The following SPTB variants were observed in gnomAD, a reference collection of about 807,000 sequenced individuals.
The protein encoded by SPTB is spectrin beta, erythrocytic.
SPTB carries 45 observed loss-of-function variants against 256.2 expected under a neutral mutation model. The observed-to-expected ratio is 0.18, with a 90% CI of 0.14 to 0.23. The LOEUF is 0.23. Ranked by LOEUF, SPTB falls within the 10% of genes least tolerant of loss-of-function variation. The pLI is 1.00. For missense variants in SPTB, 2,715 were observed against 3,040.4 expected (o/e 0.89, Z 2.52); for synonymous variants, 1,231 against 1,243.1 (o/e 0.99, Z 0.21).
intron 2 of SPTB, among the ~76,000 whole-genome samples, chr14:64,820,230 C>A (rs1209133227): frequency 6.6e-6 from 1 of 152,140 alleles, no homozygotes; most frequent in Non-Finnish European, 1.5e-5. Context: ...TTGAAAGACA[C>A]CCCTGCCTAG....
Position 64,779,655 on chromosome 14 carries a change from G to T in SPTB, c.4473+70C>A, listed in dbSNP as rs1420612906. On this transcript the variant is annotated intron_variant, in intron 21 of 35. Transcript: ENST00000644917. The surrounding 1 kb of genome is among the most constrained non-coding windows in gnomAD (Gnocchi z 4.2). ...CTACTGCCAAAAATTGCTCTGGGTG[G>T]CAGCCAGCTACTCTGATGGCAGCTG... The T allele has an allele frequency of 2.5e-6, 4 of 1,585,192 alleles. No individual in the cohort carries two copies. The African/African-American group carries it at 5.4e-5, about 21-fold the overall frequency.
At chr14:64,878,655 C>G (rs779279324) in intron 1 of SPTB, among the ~76,000 whole-genome samples, 9 of 152,124 alleles carry the variant, frequency 5.9e-5, no homozygotes, top group Non-Finnish European at 1.2e-4. Flanking sequence ...CCCTTAGAAA[C>G]TAAAATACGG....
Position 64,796,418 on chromosome 14 carries a change from T to A in SPTB, c.1341+139A>T. The A allele has an allele frequency of 1.8e-6, 2 of 1,108,344 alleles. No individual in the cohort carries two copies. Among genetic ancestry groups the A allele is most frequent in the Admixed American group, 3.7e-5 (2 of 54,536 alleles). 68.7% of individuals were successfully genotyped at this position (1,108,344 alleles called of 1,614,324 possible). A position where few individuals can be genotyped will look rare whatever the true frequency, so the allele number is the denominator to read the frequency against. On this transcript the variant is annotated intron_variant, in intron 11 of 35. Coordinates refer to ENST00000644917, the MANE Select transcript of SPTB (RefSeq NM_001355436.2). This position sits in a 1 kb window ranked among gnomAD's most constrained non-coding sequence, Gnocchi z 4.1. ...GCTCCTCCCCAGATGCAAATCTTGA[T>A]CCACTGGATCACGGGGGAGCTGTGC...
Position 64,777,537 on chromosome 14 carries a change from G to C in SPTB, c.4563+1620C>G, listed in dbSNP as rs1248892192. On this transcript the variant is annotated intron_variant, in intron 22 of 35. Coordinates refer to ENST00000644917, the MANE Select transcript of SPTB (RefSeq NM_001355436.2). This position sits in a 1 kb window ranked among gnomAD's most constrained non-coding sequence, Gnocchi z 4.5. ...GAATTTGTTCTAATTGCAATGAATA[G>C]CCCTGGGAACAGTGGTCCCCAAAGT... Among the ~76,000 whole-genome samples the C allele has an allele frequency of 6.6e-6, 1 of 152,084 alleles. No individual in the cohort carries two copies. Among genetic ancestry groups the C allele is most frequent in the Non-Finnish European group, 1.5e-5 (1 of 68,012 alleles).
At chr14:64,750,640 G>T (rs928179638) in intron 33 of SPTB, among the ~76,000 whole-genome samples, 2 of 151,938 alleles carry the variant, frequency 1.3e-5, no homozygotes, top group African/African-American at 2.4e-5. Context: ...GCCGGGCTTG[G>T]TGGCGCATGC....
In SPTB at chr14:64,779,237, C is replaced by T. The variant is rs772053165; in HGVS notation, c.4483G>A (p.Glu1495Lys). ...RDLEDETLWV[E>K]ERLPLAQSAD... Reference sequence around the variant, plus strand: ...GACTGGGCCAGAGGCAGCCTCTCCTCCACCCAAAGCTGCAGAGACCAGGAG... The same window carrying T: ...GACTGGGCCAGAGGCAGCCTCTCCTTCACCCAAAGCTGCAGAGACCAGGAG... Residue 1495 changes from glutamate (E) to lysine (K), a missense_variant, in exon 22 of 36, where the codon GAG becomes AAG. Physicochemically the swap from Glu to Lys is moderately conservative, Grantham distance 56 (BLOSUM62 1). This residue lies in a region of SPTB where 2,239 missense variants were observed against 2,384.4 expected (regional missense o/e 0.94). Coordinates refer to ENST00000644917, the MANE Select transcript of SPTB (RefSeq NM_001355436.2). The surrounding 1 kb of genome is among the most constrained non-coding windows in gnomAD (Gnocchi z 4.2). 6.2e-7 allele frequency: 1 copy of T among 1,613,410 alleles called. No homozygotes were observed. Among genetic ancestry groups the T allele is most frequent in the Admixed American group, 1.7e-5 (1 of 60,010 alleles).
intron 1 of SPTB, among the ~76,000 whole-genome samples, chr14:64,865,477 T>C (rs1594856437): frequency 1.3e-5 from 2 of 152,206 alleles, no homozygotes; most frequent in Middle Eastern, 6.8e-3. Flanking sequence ...CTCCCCCACC[T>C]GGACTGAAAG....
At position 64,778,334 on chromosome 14, in the gene SPTB, A is replaced by G. The variant is rs2082397603; in HGVS notation, c.4563+823T>C. ...CCTTCCTTCCTCAAGGAGCTGCAATACTAACCGGGCACTCTGGGACATGTC... is the reference window on the plus strand; with the variant it reads ...CCTTCCTTCCTCAAGGAGCTGCAATGCTAACCGGGCACTCTGGGACATGTC... On this transcript the variant is annotated intron_variant, in intron 22 of 35. Coordinates refer to ENST00000644917, the MANE Select transcript of SPTB (RefSeq NM_001355436.2). This position sits in a 1 kb window ranked among gnomAD's most constrained non-coding sequence, Gnocchi z 5.2. Among the ~76,000 whole-genome samples the G allele has an allele frequency of 6.6e-6, 1 of 152,130 alleles. No homozygotes were observed. The highest frequency in any genetic ancestry group is 2.1e-4 in the South Asian group (1 of 4,822).
chr14:64,801,840 T>A lies in SPTB; in HGVS notation c.567-6A>T, dbSNP rs2082891725. On this transcript the variant is annotated splice_region_variant and splice_polypyrimidine_tract_variant and intron_variant, in intron 5 of 35. Transcript: ENST00000644917. Reference sequence around the variant, plus strand: ...TGACATTAACATGAGGGTAGCTGCATCCAAGAGAAACAGTAAGAGCTAAGA... The same window carrying A: ...TGACATTAACATGAGGGTAGCTGCAACCAAGAGAAACAGTAAGAGCTAAGA... 1 of 1,613,804 alleles carries A rather than the reference T, an allele frequency of 6.2e-7. No individual in the cohort carries two copies. Among genetic ancestry groups the A allele is most frequent in the Non-Finnish European group, 8.5e-7 (1 of 1,179,728 alleles).
rs553075719 is a variant in SPTB, at chr14:64,806,054, G to C, written c.149-964C>G. 6.6e-6 allele frequency among the ~76,000 whole-genome samples: 1 copy of C among 151,806 alleles called. No individual in the cohort carries two copies. The highest frequency in any genetic ancestry group is 2.4e-5 in the African/African-American group (1 of 41,224). ...TCTGTACAAATAATGCTGGTGGTCT[G>C]TCCAAGTTAGGCACCAGCATTACCT... On this transcript the variant is annotated intron_variant, in intron 2 of 35. Coordinates refer to ENST00000644917, the MANE Select transcript of SPTB (RefSeq NM_001355436.2). This position sits in a 1 kb window ranked among gnomAD's most constrained non-coding sequence, Gnocchi z 4.1.
At position 64,753,395 on chromosome 14, in the gene SPTB, AG is replaced by A. The variant is rs924294689; in HGVS notation, c.6602+141del. 21 of 1,256,378 alleles carry A rather than the reference AG, an allele frequency of 1.7e-5. No individual in the cohort carries two copies. The African/African-American group carries it at 2.8e-4, about 17-fold the overall frequency. 77.8% of individuals were successfully genotyped at this position (1,256,378 alleles called of 1,614,324 possible). The stretch of plus-strand genomic sequence containing the variant: ...CAAGTAGCCCTCGGGGCTGGCCCAG[AG>A]GGGTGTCTAGGAGCTCTCACAGGCC... On this transcript the variant is annotated intron_variant, in intron 33 of 35. Transcript: ENST00000644917.
chr14:64,867,445 A>G (rs1036269976), intron 1 of SPTB, among the ~76,000 whole-genome samples: 2 of 152,230 alleles, frequency 1.3e-5, no homozygotes, highest in Admixed American at 6.5e-5. Flanking sequence ...CAGCGTGGAC[A>G]GCAAAAGAGG....
At chr14:64,829,059 G>A (rs147722678) in intron 1 of SPTB, among the ~76,000 whole-genome samples, 49 of 152,258 alleles carry the variant, frequency 3.2e-4, no homozygotes, top group Admixed American at 5.9e-4. Flanking sequence ...ATCAATCTTA[G>A]TATCACCAAG....
intron 19 of SPTB, among the ~76,000 whole-genome samples, chr14:64,783,295 C>G (rs186539853): frequency 6.6e-6 from 1 of 152,094 alleles, no homozygotes; most frequent in Non-Finnish European, 1.5e-5. Context: ...CCTCCGCCCC[C>G]CAGTTTAAGC....
rs1297276472 is a variant in SPTB at position 64,775,952 on chromosome 14, C to T, written c.4564-549G>A. Among the ~76,000 whole-genome samples the T allele has an allele frequency of 6.6e-6, 1 of 152,182 alleles. No homozygotes were observed. Among genetic ancestry groups the T allele is most frequent in the Non-Finnish European group, 1.5e-5 (1 of 68,042 alleles). On this transcript the variant is annotated intron_variant, in intron 22 of 35. Transcript: ENST00000644917. The surrounding 1 kb of genome is among the most constrained non-coding windows in gnomAD (Gnocchi z 5.0). ...CAGTCTCAGCTTTTGTTTTTCCCTACTTCTATTTCTCATATTTTTGTGAGC... is the reference window on the plus strand; with the variant it reads ...CAGTCTCAGCTTTTGTTTTTCCCTATTTCTATTTCTCATATTTTTGTGAGC...
rs140860645 is a variant in SPTB at position 64,769,198 on chromosome 14, A to G, written c.5938-80T>C. On this transcript the variant is annotated intron_variant, in intron 28 of 35. Coordinates refer to ENST00000644917, the MANE Select transcript of SPTB (RefSeq NM_001355436.2). The stretch of plus-strand genomic sequence containing the variant: ...GGCAGTGCGCAGATGGGTCCTGCAA[A>G]GAATGCCAGGTTTGGTCCTACAGCC... 1.5e-3 allele frequency: 2,035 copies of G among 1,352,070 alleles called. 31 individuals carry two copies. The African/African-American group carries it at 0.026, about 17-fold the overall frequency. The allele number at this position is 1,352,070 out of a possible 1,614,324, so 83.8% of individuals were successfully genotyped here.
chr14:64,756,354 G>A (rs747104150), intron 32 of SPTB: 1 of 152,322 alleles, frequency 6.6e-6, no homozygotes, highest in Non-Finnish European at 1.5e-5. Flanking sequence ...TGGATCACGA[G>A]ATCAGGAGAT....
intron 13 of SPTB, among the ~76,000 whole-genome samples, chr14:64,794,099 T>C (rs1398195373): frequency 2.6e-5 from 4 of 152,138 alleles, no homozygotes; most frequent in Admixed American, 6.5e-5. Context: ...TAGTTCTTAA[T>C]AGAAATGTAC....
intron 1 of SPTB, among the ~76,000 whole-genome samples, chr14:64,838,733 C>T (rs781391746): frequency 6.6e-6 from 1 of 152,158 alleles, no homozygotes; most frequent in Admixed American, 6.5e-5. Context: ...AACAATTCTG[C>T]AGTTTCTTAT....
Sources: gnomAD v4.1 joint callset for allele counts (sites outside exome capture counted in the v4.1 genomes callset) on GRCh38, gnomAD v4.1.1 for gene constraint, gnomAD v4.1.1 regional missense constraint, Gnocchi (gnomAD v3.1) non-coding constraint, MANE v1.5 for transcripts, NCBI Gene and HGNC (gene_info 2026-07-23, HGNC 2026-07-21) for gene names.